CSMD1: variants seen among roughly 807,000 people sequenced by gnomAD.
The protein encoded by CSMD1 is CUB and sushi domain-containing protein 1.
In CSMD1, 213 loss-of-function variants were observed where a neutral mutation model predicts 417.5. That is an observed-to-expected ratio of 0.51 (90% CI 0.46 to 0.57). The LOEUF (loss-of-function observed/expected upper bound fraction) is 0.57, where lower values mean the gene tolerates loss of function less well. Among genes scored for constraint, CSMD1 ranks in the 20% least tolerant of loss-of-function variants. CSMD1 has a pLI of 0.00. For missense variants in CSMD1, 6,923 were observed against 4,529.7 expected (o/e 1.53, Z -15.17); for synonymous variants, 2,862 against 1,736.8 (o/e 1.65, Z -16.11).
rs768984196 is a variant in CSMD1 at position 2,998,136 on chromosome 8, C to T, written c.8252G>A (p.Gly2751Asp). 2.5e-6 allele frequency: 4 copies of T among 1,613,988 alleles called. No homozygotes were observed. In the South Asian group the frequency reaches 4.4e-5, roughly 18 times the overall value. Residue 2751 changes from glycine to aspartate, a missense_variant, in exon 54 of 70, where the codon GGC becomes GAC. Physicochemically the swap from Gly to Asp is moderately conservative, Grantham distance 94. Coordinates refer to ENST00000635120, the MANE Select transcript of CSMD1 (RefSeq NM_033225.6). ...PGNPAHGFTN[G>D]SEFNLNDVVN... ...GACATCATTCAGGTTGAACTCACTG[C>T]CATTAGTGAATCCGTGGGCAGGGTT... is the stretch of plus-strand genomic sequence containing the variant.
intron 5 of CSMD1, among the ~76,000 whole-genome samples, chr8:3,772,518 TATATACACATATATACATATATACAC>T (rs1798658685): frequency 5.4e-5 from 2 of 36,836 alleles, no homozygotes; most frequent in Non-Finnish European, 1.4e-4. Flanking sequence ...CATATATACA[TATATACACATATATACATATATACAC>T]ATATATACAT....
intron 21 of CSMD1, among the ~76,000 whole-genome samples, chr8:3,351,062 G>C (rs530560073): frequency 1.3e-5 from 2 of 152,228 alleles, no homozygotes; most frequent in East Asian, 1.9e-4. Flanking sequence ...TATATTCACA[G>C]CTTGAAACTA....
chr8:3,238,138 C>A (rs539351297), intron 26 of CSMD1, among the ~76,000 whole-genome samples: 111 of 150,956 alleles, frequency 7.4e-4, no homozygotes, highest in African/African-American at 2.5e-3. Context: ...GATTTGGGTA[C>A]GTAAAGGAAA....
intron 5 of CSMD1, among the ~76,000 whole-genome samples, chr8:3,849,433 A>G (rs1226138653): frequency 6.6e-6 from 1 of 152,216 alleles, no homozygotes; most frequent in African/African-American, 2.4e-5. Context: ...AATGTCAGAA[A>G]GTAACCCTGC....
chr8:4,954,768 T>C (rs7815861), intron 1 of CSMD1, among the ~76,000 whole-genome samples: 123,971 of 152,034 alleles, frequency 0.82, 50,729 homozygotes, highest in Admixed American at 0.87. Context: ...ATAACTGCTA[T>C]TACACAGAAT....
chr8:3,258,653 G>GCAGC (rs1285333069), intron 26 of CSMD1, among the ~76,000 whole-genome samples: 1 of 152,302 alleles, frequency 6.6e-6, no homozygotes, highest in East Asian at 1.9e-4. Context: ...TATGTTCAGT[G>GCAGC]CAGCACTATT....
Position 3,475,959 on chromosome 8 carries a change from G to C in CSMD1, c.1449-7135C>G, listed in dbSNP as rs1031580266. 5.3e-5 allele frequency among the ~76,000 whole-genome samples: 8 copies of C among 152,182 alleles called. No individual in the cohort carries two copies. In the East Asian group the frequency reaches 1.5e-3, roughly 29 times the overall value. ...TGTTTTGGTTACTTGTCATTTTACT[G>C]TGTAGACAAGAACAATTTCATCTCT... On this transcript the variant is annotated intron_variant, in intron 11 of 69. Coordinates refer to ENST00000635120, the MANE Select transcript of CSMD1 (RefSeq NM_033225.6).
At chr8:3,801,540 G>T (rs1046633458) in intron 5 of CSMD1, among the ~76,000 whole-genome samples, 1 of 152,094 alleles carries the variant, frequency 6.6e-6, no homozygotes, top group Admixed American at 6.6e-5. Flanking sequence ...AAATGTTAGA[G>T]ATATGCTGGA....
chr8:3,024,744 T>A (rs1406559146), intron 51 of CSMD1, among the ~76,000 whole-genome samples: 3 of 152,242 alleles, frequency 2.0e-5, no homozygotes, highest in African/African-American at 7.2e-5. Context: ...AGTAGATGGT[T>A]ACCATGTTGA....
At chr8:4,144,862 C>A (rs953100257) in intron 3 of CSMD1, among the ~76,000 whole-genome samples, 1 of 150,848 alleles carries the variant, frequency 6.6e-6, no homozygotes, top group Non-Finnish European at 1.5e-5. Context: ...GGAATTGTGT[C>A]CCTGGGAGAA....
In CSMD1 at chr8:3,188,869, T is replaced by C. The variant is rs1796247696; in HGVS notation, c.5523+18A>G. The C allele has an allele frequency of 8.4e-6, 13 of 1,547,416 alleles. No individual in the cohort carries two copies. The highest frequency in any genetic ancestry group is 1.4e-5 in the African/African-American group (1 of 73,098). ...CCCAGCTGAGCCCTGTTGTAGACTG[T>C]GGACTTCAAGGACTCACCTGAATTC... On this transcript the variant is annotated intron_variant, in intron 35 of 69. Transcript: ENST00000635120.
intron 1 of CSMD1, among the ~76,000 whole-genome samples, chr8:4,921,000 AAAGAAAGAAAGAAAAGAAAGAAAGG>A (rs1563770143): frequency 2.6e-5 from 1 of 38,082 alleles, no homozygotes; most frequent in Non-Finnish European, 5.2e-5. Flanking sequence ...GAAAGAAAAG[AAAGAAAGAAAGAAAAGAAAGAAAGG>A]AAGAAAGAAA....
chr8:3,307,631 C>A, intron 25 of CSMD1, 64 bp downstream of exon 25: 1 of 1,515,286 alleles, frequency 6.6e-7, no homozygotes, highest in Non-Finnish European at 9.1e-7. Flanking sequence ...ACCACTATCT[C>A]TGCTACAAGA....
intron 3 of CSMD1, among the ~76,000 whole-genome samples, chr8:4,373,771 G>T (rs1301730294): frequency 1.3e-5 from 2 of 152,140 alleles, no homozygotes; most frequent in Admixed American, 6.5e-5. Flanking sequence ...TTCTCCCTGG[G>T]GCACTTTTTC....
chr8:4,264,820 T>C (rs114911048), intron 3 of CSMD1, among the ~76,000 whole-genome samples: 1 of 152,136 alleles, frequency 6.6e-6, no homozygotes, highest in Non-Finnish European at 1.5e-5. Flanking sequence ...TTGTGCCTCA[T>C]CAATAAACTA....
At chr8:4,091,362 A>T (rs1187636854) in intron 3 of CSMD1, among the ~76,000 whole-genome samples, 1 of 152,238 alleles carries the variant, frequency 6.6e-6, no homozygotes, top group East Asian at 1.9e-4. Context: ...TGAAATGTCC[A>T]TGGAAGAAAA....
intron 5 of CSMD1, among the ~76,000 whole-genome samples, chr8:3,832,672 G>A (rs930797130): frequency 5.9e-5 from 9 of 152,152 alleles, no homozygotes; most frequent in Non-Finnish European, 1.2e-4. Context: ...TTCAAGGACC[G>A]TGGACACTAT....
At chr8:3,203,658 G>T (rs943015525) in intron 31 of CSMD1, among the ~76,000 whole-genome samples, 1 of 152,178 alleles carries the variant, frequency 6.6e-6, no homozygotes, top group African/African-American at 2.4e-5. Flanking sequence ...CCTGTGGCAA[G>T]GATCTCAAAG....
chr8:4,526,771 TCTCCACAA>T, intron 2 of CSMD1, among the ~76,000 whole-genome samples: 1 of 152,206 alleles, frequency 6.6e-6, no homozygotes, highest in South Asian at 2.1e-4. Context: ...GGACTATGAT[TCTCCACAA>T]CCTGAATTTT....
Sources: gnomAD v4.1 joint callset for allele counts (sites outside exome capture counted in the v4.1 genomes callset) on GRCh38, gnomAD v4.1.1 for gene constraint, MANE v1.5 for transcripts, NCBI Gene and HGNC (gene_info 2026-07-23, HGNC 2026-07-21) for gene names.